The following CNTNAP2 variants were observed in gnomAD, a reference collection of about 807,000 sequenced individuals.
CNTNAP2 encodes contactin-associated protein-like 2.
A neutral mutation model predicts 155.2 loss-of-function variants in CNTNAP2; 98 were observed. The observed-to-expected ratio is 0.63, with a 90% CI of 0.54 to 0.75. CNTNAP2 has a LOEUF of 0.75. CNTNAP2 is among the 30% of genes least tolerant of loss of function. The pLI, the probability that CNTNAP2 is intolerant of heterozygous loss-of-function variation, is 0.00. For synonymous variants in CNTNAP2, 651 were observed against 631.2 expected (o/e 1.03, Z -0.47); for missense variants, 1,727 against 1,688.1 (o/e 1.02, Z -0.40).
chr7:147,615,277 CAAAAAAAAAAAAAAAA>C (rs58247626), intron 12 of CNTNAP2, among the ~76,000 whole-genome samples: 5 of 28,034 alleles, frequency 1.8e-4, no homozygotes, highest in African/African-American at 4.2e-4. Flanking sequence ...GACCCTGTCT[CAAAAAAAAAAAAAAAA>C]AAAAAAAAAA....
At chr7:146,784,939 G>A (rs773067351) in intron 2 of CNTNAP2, among the ~76,000 whole-genome samples, 1 of 151,220 alleles carries the variant, frequency 6.6e-6, no homozygotes, top group Non-Finnish European at 1.5e-5. Context: ...ATGTGTTTAC[G>A]AGAATAATCA....
chr7:147,021,925 T>C lies in CNTNAP2; in HGVS notation c.403-21982T>C, dbSNP rs188952024. Among the ~76,000 whole-genome samples the C allele has an allele frequency of 8.5e-4, 130 of 152,274 alleles. 1 individual carries two copies. Among genetic ancestry groups the C allele is most frequent in the Middle Eastern group, 6.8e-3 (2 of 294 alleles). Reference sequence around the variant, plus strand: ...GAAGGACACTCATGTACTTGACATTTATGTATTTATAAATATATTTTAGGT... The same window carrying C: ...GAAGGACACTCATGTACTTGACATTCATGTATTTATAAATATATTTTAGGT... On this transcript the variant is annotated intron_variant, in intron 3 of 23. Coordinates refer to ENST00000361727, the MANE Select transcript of CNTNAP2 (RefSeq NM_014141.6).
intron 10 of CNTNAP2, among the ~76,000 whole-genome samples, chr7:147,401,291 C>A (rs1796908074): frequency 6.6e-6 from 1 of 152,040 alleles, no homozygotes; most frequent in African/African-American, 2.4e-5. Context: ...TTAAACATAG[C>A]CTACAAAATT....
At chr7:146,919,146 T>A (rs901227337) in intron 3 of CNTNAP2, among the ~76,000 whole-genome samples, 1 of 152,204 alleles carries the variant, frequency 6.6e-6, no homozygotes, top group African/African-American at 2.4e-5. Flanking sequence ...TGTCTTCTTG[T>A]TTAGCTTAAT....
At chr7:147,140,332 G>C (rs1801567410) in intron 8 of CNTNAP2, among the ~76,000 whole-genome samples, 1 of 151,886 alleles carries the variant, frequency 6.6e-6, no homozygotes, top group African/African-American at 2.4e-5. Flanking sequence ...CGTACAACCT[G>C]CTGCCTGTTC....
chr7:147,120,818 T>C (rs1801095004), intron 5 of CNTNAP2, among the ~76,000 whole-genome samples, 161 bp from the exon 6 acceptor site: 1 of 151,896 alleles, frequency 6.6e-6, no homozygotes, highest in East Asian at 1.9e-4. Context: ...GAACATAAAG[T>C]ATTTTTAAGT....
chr7:148,415,568 C>T lies in CNTNAP2; in HGVS notation c.3948C>T (p.Pro1316=). 8.1e-6 allele frequency: 13 copies of T among 1,614,198 alleles called. No individual in the cohort carries two copies. Among genetic ancestry groups the T allele is most frequent in the Non-Finnish European group, 1.1e-5 (13 of 1,180,050 alleles). The part of the protein sequence containing the change: ...SADAAIMNND[P]NFTETIDESK... ...ACGCCGCCATCATGAACAACGACCC[C>T]AACTTCACAGAGACCATTGATGAAA... The change falls in exon 24 of 24, where the codon CCC becomes CCT. Residue 1316 remains proline (P), a synonymous_variant. Coordinates refer to ENST00000361727, the MANE Select transcript of CNTNAP2 (RefSeq NM_014141.6).
At chr7:147,473,094 G>A (rs1798255571) in intron 10 of CNTNAP2, among the ~76,000 whole-genome samples, 1 of 152,160 alleles carries the variant, frequency 6.6e-6, no homozygotes, top group African/African-American at 2.4e-5. Context: ...TTCATAGACT[G>A]AGAAAACGGA....
chr7:147,654,808 C>CTTTTTTTTTTTTTTTT (rs1186575442), intron 13 of CNTNAP2, among the ~76,000 whole-genome samples: 2 of 97,342 alleles, frequency 2.1e-5, no homozygotes, highest in East Asian at 2.8e-4. Context: ...AAATATATTT[C>CTTTTTTTTTTTTTTTT]TTTTTTTTTT....
At chr7:146,302,806 C>A (rs188335686) in intron 1 of CNTNAP2, among the ~76,000 whole-genome samples, 1 of 152,234 alleles carries the variant, frequency 6.6e-6, no homozygotes, top group East Asian at 1.9e-4. Flanking sequence ...TTTGCTCTTA[C>A]AGACATGTGC....
chr7:147,131,016 T>A (rs1801340931), intron 7 of CNTNAP2, among the ~76,000 whole-genome samples: 1 of 141,278 alleles, frequency 7.1e-6, no homozygotes, highest in African/African-American at 2.5e-5. Context: ...ATGGAAGAAA[T>A]CAGCATCAGG....
At chr7:147,730,020 A>G (rs10274524) in intron 13 of CNTNAP2, among the ~76,000 whole-genome samples, 30,592 of 152,096 alleles carry the variant, frequency 0.2, 6,827 homozygotes, top group African/African-American at 0.56. Context: ...GCTATAGCCA[A>G]CAATTAATAT....
At chr7:146,866,475 A>G (rs1795207920) in intron 3 of CNTNAP2, among the ~76,000 whole-genome samples, 1 of 152,132 alleles carries the variant, frequency 6.6e-6, no homozygotes, top group South Asian at 2.1e-4. Context: ...GATGTGCCAA[A>G]TAAGAAAACA....
intron 14 of CNTNAP2, among the ~76,000 whole-genome samples, chr7:147,953,447 TA>T (rs111482032): frequency 0.47 from 70,684 of 151,942 alleles, 17,768 homozygotes; most frequent in Middle Eastern, 0.69. Context: ...GATGGGTTGA[TA>T]AGGTGCAGCA....
chr7:147,584,049 C>A (rs1800570200), intron 12 of CNTNAP2, among the ~76,000 whole-genome samples: 1 of 152,094 alleles, frequency 6.6e-6, no homozygotes, highest in Non-Finnish European at 1.5e-5. Flanking sequence ...ACAGAGAGAA[C>A]CATTCAGAGG....
intron 1 of CNTNAP2, among the ~76,000 whole-genome samples, chr7:146,304,939 T>G (rs201072801): frequency 6.6e-6 from 1 of 152,080 alleles, no homozygotes; most frequent in Non-Finnish European, 1.5e-5. Flanking sequence ...TTCACATACT[T>G]CCATATTTCT....
chr7:148,045,406 T>C (rs1416100551), intron 15 of CNTNAP2, among the ~76,000 whole-genome samples: 1 of 152,136 alleles, frequency 6.6e-6, no homozygotes, highest in Non-Finnish European at 1.5e-5. Context: ...CTGTGGCATC[T>C]CCATGCAGTC....
At chr7:146,918,469 C>T (rs952693738) in intron 3 of CNTNAP2, among the ~76,000 whole-genome samples, 1 of 152,038 alleles carries the variant, frequency 6.6e-6, no homozygotes, top group Non-Finnish European at 1.5e-5. Flanking sequence ...ACAATTCTTG[C>T]CTGACAATGT....
intron 8 of CNTNAP2, among the ~76,000 whole-genome samples, chr7:147,169,111 T>A (rs1802177237): frequency 6.6e-6 from 1 of 152,144 alleles, no homozygotes; most frequent in South Asian, 2.1e-4. Flanking sequence ...TCTGTATATA[T>A]CTGTAAATTG....
Sources: allele counts gnomAD v4.1 joint callset (sites outside exome capture counted in the v4.1 genomes callset), GRCh38; gene constraint gnomAD v4.1.1; transcripts MANE v1.5; gene names NCBI Gene and HGNC (gene_info 2026-07-23, HGNC 2026-07-21).